Variants in SLC8B1 observed in about 807,000 individuals in gnomAD.
The protein encoded by SLC8B1 is mitochondrial sodium/calcium exchanger protein.
Under a neutral mutation model 63.4 loss-of-function variants are expected in SLC8B1, and 52 were observed. That is an observed-to-expected ratio of 0.82 (90% CI 0.66 to 1.03). SLC8B1 has a LOEUF of 1.03. Ranked by LOEUF, SLC8B1 falls within the 50% of genes least tolerant of loss-of-function variation. SLC8B1 has a pLI of 0.00. For synonymous variants in SLC8B1, 336 were observed against 323.9 expected (o/e 1.04, Z -0.40); for missense variants, 657 against 741.7 (o/e 0.89, Z 1.33).
At position 113,320,911 on chromosome 12, in the gene SLC8B1, C is replaced by T. The variant is rs201291537; in HGVS notation, c.363-4G>A. The T allele has an allele frequency of 3.5e-4, 560 of 1,604,610 alleles. No individual in the cohort carries two copies. Among genetic ancestry groups the T allele is most frequent in the African/African-American group, 5.1e-4 (38 of 74,974 alleles). On this transcript the variant is annotated splice_region_variant and splice_polypyrimidine_tract_variant and intron_variant, in intron 4 of 15. Transcript: ENST00000680972. The surrounding 1 kb of genome is among the most constrained non-coding windows in gnomAD (Gnocchi z 5.3). ...GGCCGACAAGTTGGGGCAGAAACTACGGAGAAAAAGCGGACGGGAAGCATT... is the reference window on the plus strand; with the variant it reads ...GGCCGACAAGTTGGGGCAGAAACTATGGAGAAAAAGCGGACGGGAAGCATT...
rs1278015749 is a variant in SLC8B1 at position 113,320,860 on chromosome 12, T to C, written c.410A>G (p.His137Arg). The C allele has an allele frequency of 1.0e-5, 16 of 1,605,052 alleles. No individual in the cohort carries two copies. The highest frequency in any genetic ancestry group is 1.3e-5 in the Non-Finnish European group (15 of 1,176,830). ...TGGACAAAAGGATACTGCCACGTTG[T>C]GGGAGAGCTTCAGTGTGGTAGAAAT... ...SAISTTLKLSHNVAGVTFLAF... is the reference protein window; with the variant it reads ...SAISTTLKLSRNVAGVTFLAF... Residue 137 changes from histidine to arginine, a missense_variant, in exon 5 of 16, where the codon CAC becomes CGC. Transcript: ENST00000680972. The surrounding 1 kb of genome is among the most constrained non-coding windows in gnomAD (Gnocchi z 5.3).
intron 2 of SLC8B1, among the ~76,000 whole-genome samples, chr12:113,331,445 A>C (rs1316664418): frequency 1.3e-5 from 2 of 151,704 alleles, no homozygotes; most frequent in Admixed American, 1.3e-4. Context: ...ACCCACCCTC[A>C]ATCTGGGTGG....
rs779086019 is a variant in SLC8B1, at chr12:113,307,659, C to T, written c.1411+32G>A. ...AAGAGCTAAGATGTGGCCGCACTCA[C>T]CCCCACTCAACCCCACCCAGCCCTG... On this transcript the variant is annotated intron_variant, in intron 13 of 15. Transcript: ENST00000680972. The T allele has an allele frequency of 5.6e-6, 9 of 1,603,154 alleles. No individual in the cohort carries two copies. The Admixed American group carries it at 1.2e-4, about 21-fold the overall frequency.
intron 2 of SLC8B1, among the ~76,000 whole-genome samples, chr12:113,323,537 C>A (rs930923430): frequency 6.6e-6 from 1 of 152,034 alleles, no homozygotes; most frequent in African/African-American, 2.4e-5. Flanking sequence ...GGGGAAACCC[C>A]GTCTCTACTA....
intron 12 of SLC8B1, chr12:113,308,540 G>A (rs1047657723): frequency 2.0e-5 from 3 of 150,422 alleles, no homozygotes; most frequent in East Asian, 4.1e-4. Flanking sequence ...AGCCCAACTC[G>A]ACCACTACTC....
chr12:113,331,100 T>A (rs544214010), intron 2 of SLC8B1, among the ~76,000 whole-genome samples: 1 of 152,016 alleles, frequency 6.6e-6, no homozygotes, highest in East Asian at 1.9e-4. Context: ...CAGCACACCC[T>A]CAGCTGATCA....
intron 2 of SLC8B1, among the ~76,000 whole-genome samples, chr12:113,328,027 T>A (rs114227407): frequency 3.2e-3 from 370 of 116,250 alleles, no homozygotes; most frequent in Middle Eastern, 0.016. Context: ...GTTTTAATTA[T>A]TTATTTATTT....
intron 7 of SLC8B1, among the ~76,000 whole-genome samples, chr12:113,319,634 G>A (rs561012486): frequency 8.5e-5 from 13 of 152,144 alleles, no homozygotes; most frequent in Middle Eastern, 6.8e-3. Context: ...TGAGTATCTC[G>A]AATCTCGGTT....
At chr12:113,307,191 C>T (rs985763272) in intron 13 of SLC8B1, among the ~76,000 whole-genome samples, 1 of 117,284 alleles carries the variant, frequency 8.5e-6, no homozygotes, top group Non-Finnish European at 1.7e-5. Context: ...CTGCTGGTAA[C>T]ATGCACAGCA....
rs749150438 is a variant in SLC8B1 at position 113,316,617 on chromosome 12, G to A, written c.902C>T (p.Thr301Met). Reference protein sequence around the residue: ...YRPLFFYQETTAQILVRALNP... With the variant: ...YRPLFFYQETMAQILVRALNP... ...GAGGGCCCGGACCAGGATCTGAGCC[G>A]TGGTCTCCTGGTAGAAGAACAGCGG... Residue 301 changes from threonine to methionine, a missense_variant, in exon 10 of 16, where the codon ACG (threonine) becomes ATG (methionine). By Grantham distance (81) the Thr-to-Met change is moderately conservative (BLOSUM62 -1). Transcript: ENST00000680972. 36 of 1,613,998 alleles carry A rather than the reference G, an allele frequency of 2.2e-5. No homozygotes were observed. The highest frequency in any genetic ancestry group is 1.2e-4 in the African/African-American group (9 of 74,938).
intron 14 of SLC8B1, among the ~76,000 whole-genome samples, chr12:113,306,066 CAAAAAAAAAAAA>C (rs60824560): frequency 0.07 from 1,276 of 18,116 alleles, 48 homozygotes; most frequent in African/African-American, 0.18. Flanking sequence ...CCCCACCCTG[CAAAAAAAAAAAA>C]AAAAAAAAAA....
chr12:113,307,033 C>G (rs1478991766), intron 13 of SLC8B1, among the ~76,000 whole-genome samples: 1 of 134,804 alleles, frequency 7.4e-6, no homozygotes, highest in Non-Finnish European at 1.5e-5. Flanking sequence ...ACTGCTTAAA[C>G]CTGGGAGGCA....
Position 113,328,664 on chromosome 12 carries a change from C to T in SLC8B1, c.156+4059G>A, listed in dbSNP as rs563972939. Reference sequence around the variant, plus strand: ...TTTTCCTCTATTTAATCCACATTCACCACCCAATTCTTGGTTCCCAGGACA... The same window carrying T: ...TTTTCCTCTATTTAATCCACATTCATCACCCAATTCTTGGTTCCCAGGACA... On this transcript the variant is annotated intron_variant, in intron 2 of 15. Transcript: ENST00000680972. Among the ~76,000 whole-genome samples, 19 of 152,252 alleles carry T rather than the reference C, an allele frequency of 1.2e-4. 1 individual carries two copies. In the South Asian group the frequency reaches 3.9e-3, roughly 32 times the overall value.
chr12:113,319,757 C>T (rs1339893754), intron 7 of SLC8B1, among the ~76,000 whole-genome samples: 2 of 152,174 alleles, frequency 1.3e-5, no homozygotes, highest in Non-Finnish European at 2.9e-5. Flanking sequence ...CAGTTAGCGT[C>T]CCATCTTTAC....
rs1292100607 is a variant in SLC8B1 at position 113,315,478 on chromosome 12, T to C, written c.994-2A>G. 6.3e-7 allele frequency: 1 copy of C among 1,585,352 alleles called. No individual in the cohort carries two copies. The highest frequency in any genetic ancestry group is 1.8e-5 in the Admixed American group (1 of 55,174). On this transcript the variant is annotated splice_acceptor_variant, in intron 10 of 15. Transcript: ENST00000680972. LOFTEE classifies it high-confidence loss of function. Reference sequence around the variant, plus strand: ...GAGCAGCAGGAACTCCACAGGCAGCTGTCAAGGGGGCAAAAGTGGGAGGGT... The same window carrying C: ...GAGCAGCAGGAACTCCACAGGCAGCCGTCAAGGGGGCAAAAGTGGGAGGGT...
At position 113,304,404 on chromosome 12, in the gene SLC8B1, A is replaced by T. The variant is rs765685023; in HGVS notation, c.1493-19T>A. The T allele has an allele frequency of 9.3e-6, 15 of 1,612,730 alleles. No homozygotes were observed. The highest frequency in any genetic ancestry group is 1.3e-5 in the Non-Finnish European group (15 of 1,179,352). ...AGGATGTCTGCAGCCCAGCTCAGGA[A>T]GCTTTGCTGGAATGGCCTGCACATA... On this transcript the variant is annotated intron_variant, in intron 14 of 15. Transcript: ENST00000680972.
chr12:113,310,636 C>G (rs940703475), intron 11 of SLC8B1, among the ~76,000 whole-genome samples: 5 of 152,224 alleles, frequency 3.3e-5, no homozygotes, highest in Admixed American at 3.3e-4. Context: ...ACCTTCATGG[C>G]AGACATCACT....
At chr12:113,328,213 G>A (rs569864261) in intron 2 of SLC8B1, among the ~76,000 whole-genome samples, 1 of 152,104 alleles carries the variant, frequency 6.6e-6, no homozygotes, top group African/African-American at 2.4e-5. Flanking sequence ...ATTTTTTGTT[G>A]AGAAGGGGTC....
At chr12:113,301,546 C>T (rs578259823) in intron 15 of SLC8B1, among the ~76,000 whole-genome samples, 455 of 152,114 alleles carry the variant, frequency 3.0e-3, no homozygotes, top group Non-Finnish European at 5.2e-3. Context: ...ACCATGTTGG[C>T]CAGACTGTTC....
Sources: gnomAD v4.1 joint callset for allele counts (sites outside exome capture counted in the v4.1 genomes callset) on GRCh38, gnomAD v4.1.1 for gene constraint, Gnocchi (gnomAD v3.1) non-coding constraint, MANE v1.5 for transcripts, NCBI Gene and HGNC (gene_info 2026-07-23, HGNC 2026-07-21) for gene names.